TYW1: variants seen among roughly 807,000 people sequenced by gnomAD.
TYW1 encodes the protein S-adenosyl-L-methionine-dependent tRNA 4-demethylwyosine synthase TYW1.
In TYW1, 46 loss-of-function variants were observed where a neutral mutation model predicts 96.2. The observed-to-expected ratio is 0.48, with a 90% confidence interval of 0.38 to 0.61. TYW1 has a LOEUF of 0.61. Among genes scored for constraint, TYW1 ranks in the 20% least tolerant of loss-of-function variants. The pLI is 0.00. For synonymous variants in TYW1, 274 were observed against 323.0 expected (o/e 0.85, Z 1.63); for missense variants, 684 against 909.6 (o/e 0.75, Z 3.19).
intron 15 of TYW1, among the ~76,000 whole-genome samples, chr7:67,196,210 G>A (rs1800387287): frequency 6.6e-6 from 1 of 151,292 alleles, no homozygotes; most frequent in African/African-American, 2.4e-5. Flanking sequence ...TCTTAATTTT[G>A]TATTTTATGT....
intron 3 of TYW1, among the ~76,000 whole-genome samples, chr7:67,000,875 G>T (rs1179644205): frequency 6.6e-6 from 1 of 152,046 alleles, no homozygotes; most frequent in Non-Finnish European, 1.5e-5. Context: ...TGGAAGTTGC[G>T]CAGAATAGTA....
At chr7:67,164,246 A>G (rs1187946895) in intron 13 of TYW1, among the ~76,000 whole-genome samples, 1 of 151,976 alleles carries the variant, frequency 6.6e-6, no homozygotes, top group Non-Finnish European at 1.5e-5. Flanking sequence ...ATATATTTAT[A>G]TTGTTAATGC....
At chr7:67,039,671 T>C (rs1794952238) in intron 7 of TYW1, among the ~76,000 whole-genome samples, 1 of 140,424 alleles carries the variant, frequency 7.1e-6, no homozygotes, top group African/African-American at 2.5e-5. Flanking sequence ...TTTTAATTAC[T>C]TTTTTTTTTT....
chr7:67,093,404 G>A (rs1428750522), intron 11 of TYW1, among the ~76,000 whole-genome samples: 3 of 152,110 alleles, frequency 2.0e-5, no homozygotes, highest in African/African-American at 4.8e-5. Context: ...AACTACCTTC[G>A]CGGTGGAGCT....
intron 15 of TYW1, among the ~76,000 whole-genome samples, chr7:67,205,624 A>G (rs111602404): frequency 0.052 from 7,655 of 147,846 alleles, 340 homozygotes; most frequent in South Asian, 0.085. Flanking sequence ...AGAGTGCCTC[A>G]TTATAACCAG....
At chr7:67,026,429 A>T (rs984850540) in intron 7 of TYW1, among the ~76,000 whole-genome samples, 1 of 152,160 alleles carries the variant, frequency 6.6e-6, no homozygotes, top group African/African-American at 2.4e-5. Flanking sequence ...AAACTTTAAA[A>T]CATTCCTGAA....
In TYW1 at chr7:67,117,557, G is replaced by A. The variant is rs781635486; in HGVS notation, c.1637G>A (p.Arg546His). 1.3e-5 allele frequency: 21 copies of A among 1,613,844 alleles called. No individual in the cohort carries two copies. Among genetic ancestry groups the A allele is most frequent in the Middle Eastern group, 1.6e-4 (1 of 6,080 alleles). ...AAAGACAGCCTGAAGAAAATCGACC[G>A]CCCACTCTTCAAGGATTTCTGGCAG... Reference protein sequence around the residue: ...STKDSLKKIDRPLFKDFWQRF... With the variant: ...STKDSLKKIDHPLFKDFWQRF... Residue 546 changes from arginine to histidine, a missense_variant, in exon 13 of 16, where the codon CGC becomes CAC. By Grantham distance (29) the Arg-to-His change is conservative (BLOSUM62 0). Coordinates refer to ENST00000359626, the MANE Select transcript of TYW1 (RefSeq NM_018264.4).
chr7:67,038,093 G>T (rs1475012714), intron 7 of TYW1, among the ~76,000 whole-genome samples: 1 of 152,130 alleles, frequency 6.6e-6, no homozygotes, highest in Non-Finnish European at 1.5e-5. Context: ...CTGAGGTCAG[G>T]AGTTCGAGAC....
intron 13 of TYW1, among the ~76,000 whole-genome samples, chr7:67,120,998 G>A (rs377268759): frequency 3.2e-4 from 48 of 152,298 alleles, no homozygotes; most frequent in African/African-American, 1.2e-3. Flanking sequence ...TGAGCATTTT[G>A]TAGCAATTAA....
intron 14 of TYW1, among the ~76,000 whole-genome samples, chr7:67,185,161 G>T (rs1799981670): frequency 6.6e-6 from 1 of 152,082 alleles, no homozygotes; most frequent in South Asian, 2.1e-4. Context: ...AGAGCAGTGG[G>T]CTGGGGCAGC....
chr7:67,050,909 T>C (rs1340820561), intron 8 of TYW1, among the ~76,000 whole-genome samples: 1 of 150,412 alleles, frequency 6.6e-6, no homozygotes, highest in Non-Finnish European at 1.5e-5. Flanking sequence ...TCTTTTTTTT[T>C]CTTTGAGACA....
chr7:67,117,074 G>A (rs1264079527), intron 12 of TYW1, among the ~76,000 whole-genome samples: 1 of 152,148 alleles, frequency 6.6e-6, no homozygotes, highest in Non-Finnish European at 1.5e-5. Context: ...TTGATGGAGG[G>A]AGGTGGCCCA....
intron 11 of TYW1, among the ~76,000 whole-genome samples, chr7:67,085,066 G>C (rs1308246218): frequency 6.6e-6 from 1 of 152,122 alleles, no homozygotes; most frequent in Non-Finnish European, 1.5e-5. Flanking sequence ...TTTTAATATA[G>C]ACACTCTTAA....
In TYW1 at chr7:67,238,854, A is replaced by G; in HGVS notation, c.*325A>G. On this transcript the variant is annotated 3_prime_UTR_variant, in exon 16 of 16. Transcript: ENST00000359626. ...AACTTGTAAGACCTGCCAGAATGCT[A>G]GTCCCGAGAGTGTCAGACAAGGAAG... 1 of 1,117,710 alleles carries G rather than the reference A, an allele frequency of 8.9e-7. No homozygotes were observed. The highest frequency in any genetic ancestry group is 1.1e-6 in the Non-Finnish European group (1 of 910,256). The allele number at this position is 1,117,710 out of a possible 1,614,324, so 69.2% of individuals were successfully genotyped here.
chr7:67,076,097 C>T (rs1796193620), intron 10 of TYW1, among the ~76,000 whole-genome samples: 1 of 152,176 alleles, frequency 6.6e-6, no homozygotes, highest in African/African-American at 2.4e-5. Context: ...CTGAGCATTC[C>T]ACAATTTACT....
At chr7:67,082,725 C>G (rs907055203) in intron 10 of TYW1, among the ~76,000 whole-genome samples, 1 of 152,048 alleles carries the variant, frequency 6.6e-6, no homozygotes, top group African/African-American at 2.4e-5. Flanking sequence ...GGGTGGTCTC[C>G]TTGCTGTACT....
chr7:67,047,150 A>G (rs1562983399), intron 7 of TYW1, among the ~76,000 whole-genome samples: 1 of 152,256 alleles, frequency 6.6e-6, no homozygotes, highest in Non-Finnish European at 1.5e-5. Flanking sequence ...TAGAGGAATT[A>G]TAAAGACTTG....
At chr7:67,071,029 G>T (rs1375110202) in intron 10 of TYW1, among the ~76,000 whole-genome samples, 3 of 151,972 alleles carry the variant, frequency 2.0e-5, no homozygotes, top group Non-Finnish European at 4.4e-5. Flanking sequence ...TACTCGGGAG[G>T]CTGAGGCAGG....
chr7:67,192,980 T>C (rs766620358), intron 14 of TYW1, among the ~76,000 whole-genome samples: 39 of 152,284 alleles, frequency 2.6e-4, no homozygotes, highest in Non-Finnish European at 5.1e-4. Flanking sequence ...CATATGCAAA[T>C]TCAGGGGGAG....
Sources: gnomAD v4.1 joint callset for allele counts (sites outside exome capture counted in the v4.1 genomes callset) on GRCh38, gnomAD v4.1.1 for gene constraint, MANE v1.5 for transcripts, NCBI Gene and HGNC (gene_info 2026-07-23, HGNC 2026-07-21) for gene names.